ANO10: variants seen among roughly 807,000 people sequenced by gnomAD.
ANO10 encodes anoctamin 10.
Under a neutral mutation model 74.7 loss-of-function variants are expected in ANO10, and 77 were observed. The ratio of observed to expected loss-of-function variants is 1.03; its 90% CI spans 0.86 to 1.25. ANO10 has a LOEUF of 1.25. Among genes scored for constraint, ANO10 ranks in the 50% most tolerant of loss-of-function variants. The pLI, the probability that ANO10 is intolerant of heterozygous loss-of-function variation, is 0.00. For missense variants in ANO10, 721 were observed against 778.1 expected (o/e 0.93, Z 0.87); for synonymous variants, 279 against 284.9 (o/e 0.98, Z 0.21).
chr3:43,620,744 G>C (rs965475115), intron 1 of ANO10, among the ~76,000 whole-genome samples: 1 of 152,180 alleles, frequency 6.6e-6, no homozygotes, highest in South Asian at 2.1e-4. Context: ...CAGCCTGAGC[G>C]ACAGAGCAAG....
intron 12 of ANO10, among the ~76,000 whole-genome samples, chr3:43,393,305 C>T (rs1057446565): frequency 3.9e-5 from 6 of 152,176 alleles, no homozygotes; most frequent in Admixed American, 6.5e-5. Flanking sequence ...TCTGGAGCCT[C>T]GGAAAACCAA....
rs151103895 is a variant in ANO10, at chr3:43,658,500, C to T, written c.-12+33017G>A. On this transcript the variant is annotated intron_variant, in intron 1 of 3. Transcript: ENST00000413397. ...ATTATTATTTTTTGAGATGGAGTCTCGCACTGTTGCCCGGGCTGGAGTGCA... is the reference window on the plus strand; with the variant it reads ...ATTATTATTTTTTGAGATGGAGTCTTGCACTGTTGCCCGGGCTGGAGTGCA... Among the ~76,000 whole-genome samples the T allele has an allele frequency of 8.0e-3, 1,221 of 151,906 alleles. 11 individuals are homozygous for T. Among genetic ancestry groups the T allele is most frequent in the Non-Finnish European group, 0.014 (936 of 67,944 alleles).
intron 12 of ANO10, among the ~76,000 whole-genome samples, chr3:43,416,019 TAA>T (rs71616093): frequency 3.5e-3 from 495 of 142,820 alleles, no homozygotes; most frequent in Non-Finnish European, 3.5e-3. Context: ...TCCAAGAAGT[TAA>T]AAAAAAAAAA....
chr3:43,632,859 C>T (rs1323535890), intron 1 of ANO10, among the ~76,000 whole-genome samples: 1 of 152,126 alleles, frequency 6.6e-6, no homozygotes, highest in African/African-American at 2.4e-5. Flanking sequence ...TAGATGTGAA[C>T]ATTTAGCTTC....
chr3:43,427,837 G>A (rs2092920720), intron 12 of ANO10, among the ~76,000 whole-genome samples: 1 of 152,180 alleles, frequency 6.6e-6, no homozygotes, highest in African/African-American at 2.4e-5. Flanking sequence ...AATTTTTTGA[G>A]TTTCTGAAAA....
At chr3:43,428,716 T>G (rs1393994247) in intron 12 of ANO10, among the ~76,000 whole-genome samples, 1 of 149,216 alleles carries the variant, frequency 6.7e-6, no homozygotes, top group Non-Finnish European at 1.5e-5. Context: ...AGATTTTTCT[T>G]CTTCTTTTTA....
chr3:43,645,966 C>A (rs1425775094), intron 1 of ANO10, among the ~76,000 whole-genome samples: 1 of 152,134 alleles, frequency 6.6e-6, no homozygotes, highest in Non-Finnish European at 1.5e-5. Context: ...CACCACCACA[C>A]CTGGCTAATT....
At chr3:43,598,926 AATTG>A (rs1356230518) in intron 3 of ANO10, among the ~76,000 whole-genome samples, 18 of 152,214 alleles carry the variant, frequency 1.2e-4, no homozygotes, top group African/African-American at 4.3e-4. Context: ...AGAAGCATAT[AATTG>A]ATCTCATTTA....
chr3:43,472,145 G>C (rs1267629670), intron 11 of ANO10, among the ~76,000 whole-genome samples: 5 of 152,100 alleles, frequency 3.3e-5, no homozygotes, highest in African/African-American at 1.2e-4. Flanking sequence ...AGACTTAAGA[G>C]CCTATGTACT....
At chr3:43,541,603 C>T (rs757080473) in intron 11 of ANO10, among the ~76,000 whole-genome samples, 5 of 152,110 alleles carry the variant, frequency 3.3e-5, no homozygotes, top group Non-Finnish European at 7.4e-5. Flanking sequence ...TTGGCACTAA[C>T]TATATGTACA....
intron 12 of ANO10, among the ~76,000 whole-genome samples, chr3:43,395,586 G>GT (rs1160088617): frequency 6.6e-6 from 1 of 152,106 alleles, no homozygotes; most frequent in African/African-American, 2.4e-5. Context: ...AAAATCAGTA[G>GT]TACATACATG....
chr3:43,468,629 A>C (rs914804751), intron 11 of ANO10, among the ~76,000 whole-genome samples: 2 of 152,150 alleles, frequency 1.3e-5, no homozygotes, highest in African/African-American at 4.8e-5. Flanking sequence ...GCTTCAAACT[A>C]AACAATCTCA....
intron 11 of ANO10, among the ~76,000 whole-genome samples, chr3:43,463,266 C>A (rs2075465341): frequency 6.6e-6 from 1 of 152,216 alleles, no homozygotes; most frequent in African/African-American, 2.4e-5. Flanking sequence ...AGGAGGGAGG[C>A]TGTACCCTGC....
At chr3:43,672,217 G>A (rs2084068250) in intron 1 of ANO10, among the ~76,000 whole-genome samples, 2 of 152,066 alleles carry the variant, frequency 1.3e-5, no homozygotes, top group African/African-American at 2.4e-5. Context: ...GATTTGTGCT[G>A]CATACTTCAA....
intron 4 of ANO10, among the ~76,000 whole-genome samples, chr3:43,590,799 T>A (rs2081702653): frequency 1.3e-5 from 2 of 152,216 alleles, no homozygotes; most frequent in Non-Finnish European, 2.9e-5. Flanking sequence ...TTCTTGGGCA[T>A]CTGTCTGCCT....
chr3:43,511,433 TC>T (rs2149182645), intron 11 of ANO10, among the ~76,000 whole-genome samples: 2 of 152,308 alleles, frequency 1.3e-5, no homozygotes, highest in African/African-American at 4.8e-5. Context: ...CATAAACTGT[TC>T]CATATTAAAT....
chr3:43,620,756 C>A (rs2083353042), intron 1 of ANO10, among the ~76,000 whole-genome samples: 1 of 152,202 alleles, frequency 6.6e-6, no homozygotes, highest in South Asian at 2.1e-4. Flanking sequence ...CAGAGCAAGA[C>A]TCCGTCTCAA....
intron 12 of ANO10, among the ~76,000 whole-genome samples, chr3:43,405,456 G>T (rs1405400155): frequency 6.6e-6 from 1 of 152,170 alleles, no homozygotes; most frequent in Non-Finnish European, 1.5e-5. Flanking sequence ...TAATTTATGA[G>T]AAACTGGCAA....
At chr3:43,505,595 C>A (rs148220497) in intron 11 of ANO10, among the ~76,000 whole-genome samples, 2 of 152,164 alleles carry the variant, frequency 1.3e-5, no homozygotes, top group Non-Finnish European at 2.9e-5. Context: ...ATTTTCTTCA[C>A]GTGCTCTTTC....
Sources: gnomAD v4.1 joint callset for allele counts (sites outside exome capture counted in the v4.1 genomes callset) on GRCh38, gnomAD v4.1.1 for gene constraint, MANE v1.5 for transcripts, NCBI Gene and HGNC (gene_info 2026-07-23, HGNC 2026-07-21) for gene names.